MARCHF1: variants seen among roughly 807,000 people sequenced by gnomAD.
MARCHF1 encodes membrane associated ring-CH-type finger 1, also known as E3 ubiquitin-protein ligase MARCHF1.
Under a neutral mutation model 54.2 loss-of-function variants are expected in MARCHF1, and 40 were observed. The ratio of observed to expected loss-of-function variants is 0.74; its 90% CI spans 0.57 to 0.96. The LOEUF is 0.96. Ranked by LOEUF, MARCHF1 falls within the 40% of genes least tolerant of loss-of-function variation. MARCHF1 has a pLI of 0.00. For synonymous variants in MARCHF1, 236 were observed against 236.3 expected, an observed-to-expected ratio of 1.00 and a Z score of 0.01; for missense variants, 586 against 656.5, an observed-to-expected ratio of 0.89 and a Z score of 1.17.
intron 2 of MARCHF1, among the ~76,000 whole-genome samples, chr4:164,049,232 C>A (rs961327929): frequency 2.0e-5 from 3 of 152,084 alleles, no homozygotes; most frequent in African/African-American, 7.2e-5. Context: ...CAAGGAAGTG[C>A]CACACTTAAA....
rs113582337 is a variant in MARCHF1, at chr4:164,206,023, C to G, written c.-322-94361G>C. ...AAAATACCTGAAATTGTAAATGACC[C>G]ACTCTATTAATCTATTCTATTCTAT... On this transcript the variant is annotated intron_variant, in intron 1 of 9. Transcript: ENST00000514618. 5.0e-3 allele frequency among the ~76,000 whole-genome samples: 756 copies of G among 152,274 alleles called. 6 individuals are homozygous for G. Among genetic ancestry groups the G allele is most frequent in the African/African-American group, 0.013 (535 of 41,566 alleles).
intron 4 of MARCHF1, among the ~76,000 whole-genome samples, chr4:163,846,918 A>G (rs569242045): frequency 6.6e-6 from 1 of 152,314 alleles, no homozygotes; most frequent in African/African-American, 2.4e-5. Context: ...TGAGCAGAGC[A>G]CAATGGACTG....
At chr4:163,595,580 G>T (rs926031241) in intron 7 of MARCHF1, among the ~76,000 whole-genome samples, 4 of 152,162 alleles carry the variant, frequency 2.6e-5, no homozygotes, top group Admixed American at 1.3e-4. Flanking sequence ...AGGAAATACT[G>T]CCATTTGCTA....
intron 5 of MARCHF1, among the ~76,000 whole-genome samples, chr4:163,690,708 C>G (rs963523503): frequency 2.6e-5 from 4 of 152,190 alleles, no homozygotes; most frequent in Non-Finnish European, 5.9e-5. Flanking sequence ...CTCTCCTCTC[C>G]CTATCACTGC....
intron 1 of MARCHF1, among the ~76,000 whole-genome samples, chr4:164,167,928 G>A (rs183325955): frequency 8.6e-5 from 13 of 151,906 alleles, no homozygotes; most frequent in Admixed American, 3.9e-4. Context: ...ATGGAACTAC[G>A]TCAAACTAAA....
chr4:163,818,335 G>T (rs1450521823), intron 4 of MARCHF1, among the ~76,000 whole-genome samples: 2 of 151,740 alleles, frequency 1.3e-5, no homozygotes, highest in Non-Finnish European at 2.9e-5. Flanking sequence ...AAGTTCCATG[G>T]TGGTTTGCTG....
chr4:163,837,481 A>G lies in MARCHF1; in HGVS notation c.111+16540T>C, dbSNP rs150187060. Among the ~76,000 whole-genome samples, 368 of 152,310 alleles carry G rather than the reference A, an allele frequency of 2.4e-3. 1 individual carries two copies. Among genetic ancestry groups the G allele is most frequent in the Non-Finnish European group, 4.2e-3 (283 of 68,002 alleles). ...TATAATGACAGAGAAAAATGTGTTA[A>G]CAACATGAAAATACATATCAAACAA... is the stretch of plus-strand genomic sequence containing the variant. On this transcript the variant is annotated intron_variant, in intron 4 of 9. Coordinates refer to ENST00000514618, the MANE Select transcript of MARCHF1 (RefSeq NM_001394959.1).
At chr4:163,981,780 A>G (rs1420100980) in intron 3 of MARCHF1, among the ~76,000 whole-genome samples, 1 of 152,206 alleles carries the variant, frequency 6.6e-6, no homozygotes, top group Non-Finnish European at 1.5e-5. Flanking sequence ...GCAGAGCTAC[A>G]CCTGCTCCTC....
chr4:163,579,579 T>C (rs751994275), intron 8 of MARCHF1, among the ~76,000 whole-genome samples: 87 of 152,240 alleles, frequency 5.7e-4, no homozygotes, highest in Admixed American at 2.6e-4. Context: ...AAAACTTATC[T>C]GGCTCATTTG....
intron 8 of MARCHF1, among the ~76,000 whole-genome samples, chr4:163,578,478 C>G (rs575147068): frequency 1.3e-5 from 2 of 152,284 alleles, no homozygotes; most frequent in South Asian, 4.1e-4. Flanking sequence ...TACTTTGTGA[C>G]AGCCTGTATC....
chr4:164,053,272 C>T (rs75626788), intron 2 of MARCHF1, among the ~76,000 whole-genome samples: 1,729 of 152,060 alleles, frequency 0.011, 26 homozygotes, highest in African/African-American at 0.039. Flanking sequence ...CCATTTCTCA[C>T]GGTTTTAAAC....
intron 5 of MARCHF1, among the ~76,000 whole-genome samples, chr4:163,641,750 T>C (rs1742561986): frequency 6.6e-6 from 1 of 152,204 alleles, no homozygotes; most frequent in African/African-American, 2.4e-5. Flanking sequence ...TTGATTTCCA[T>C]TGATCTCATT....
chr4:163,721,717 T>G (rs184738493), intron 4 of MARCHF1, among the ~76,000 whole-genome samples: 71 of 152,150 alleles, frequency 4.7e-4, no homozygotes, highest in African/African-American at 1.6e-3. Flanking sequence ...GCCTGTTATT[T>G]GTCTATTCAG....
At chr4:164,217,083 T>A (rs985323924) in intron 1 of MARCHF1, among the ~76,000 whole-genome samples, 1 of 152,196 alleles carries the variant, frequency 6.6e-6, no homozygotes, top group Admixed American at 6.5e-5. Context: ...TCACTCTTAT[T>A]TACTAGAGAT....
intron 3 of MARCHF1, among the ~76,000 whole-genome samples, chr4:163,969,929 C>T (rs943601534): frequency 6.6e-6 from 1 of 152,060 alleles, no homozygotes; most frequent in Non-Finnish European, 1.5e-5. Flanking sequence ...TTTAAATAAG[C>T]AGGATTTCTA....
chr4:164,234,130 G>A (rs1732485321), intron 1 of MARCHF1, among the ~76,000 whole-genome samples: 1 of 152,168 alleles, frequency 6.6e-6, no homozygotes, highest in South Asian at 2.1e-4. Flanking sequence ...AAGTCACAAT[G>A]GAATTGCTAC....
At chr4:163,919,596 T>TA (rs1342571247) in intron 3 of MARCHF1, among the ~76,000 whole-genome samples, 1 of 152,058 alleles carries the variant, frequency 6.6e-6, no homozygotes, top group African/African-American at 2.4e-5. Context: ...TTAAGAATTT[T>TA]AAAAGATACA....
At chr4:164,049,334 C>T (rs1171492731) in intron 2 of MARCHF1, among the ~76,000 whole-genome samples, 1 of 152,190 alleles carries the variant, frequency 6.6e-6, no homozygotes, top group Non-Finnish European at 1.5e-5. Context: ...CCACCAGGTC[C>T]CTCCCTTGAC....
intron 1 of MARCHF1, among the ~76,000 whole-genome samples, chr4:164,305,777 A>G (rs1734679649): frequency 6.6e-6 from 1 of 152,136 alleles, no homozygotes; most frequent in African/African-American, 2.4e-5. Context: ...ATCACAACAT[A>G]AAGAAATGAC....
Sources: gnomAD v4.1 joint callset for allele counts (sites outside exome capture counted in the v4.1 genomes callset) on GRCh38, gnomAD v4.1.1 for gene constraint, MANE v1.5 for transcripts, NCBI Gene and HGNC (gene_info 2026-07-23, HGNC 2026-07-21) for gene names.